Variants in VWA8 observed in about 807,000 individuals in gnomAD.
VWA8 encodes the protein von Willebrand factor A domain-containing protein 8.
VWA8 carries 221 observed loss-of-function variants against 241.5 expected under a neutral mutation model. That is an observed-to-expected ratio of 0.91 (90% CI 0.82 to 1.02). VWA8 has a LOEUF of 1.02. Ranked by LOEUF, VWA8 falls within the 50% of genes least tolerant of loss-of-function variation. VWA8 has a pLI of 0.00. For missense variants in VWA8, 2,322 were observed against 2,328.7 expected (o/e 1.00, Z 0.06); for synonymous variants, 852 against 827.1 (o/e 1.03, Z -0.52).
At chr13:41,770,410 C>A (rs1252391172) in intron 20 of VWA8, among the ~76,000 whole-genome samples, 1 of 145,580 alleles carries the variant, frequency 6.9e-6, no homozygotes, top group Admixed American at 7.0e-5. Context: ...CACTGCACTA[C>A]AGCCTGGGCG....
At chr13:41,668,092 T>G (rs1403515991) in intron 37 of VWA8, among the ~76,000 whole-genome samples, 1 of 152,248 alleles carries the variant, frequency 6.6e-6, no homozygotes, top group African/African-American at 2.4e-5. Context: ...AACAGAGTAG[T>G]GATAAAACAT....
intron 21 of VWA8, among the ~76,000 whole-genome samples, chr13:41,755,621 A>G (rs17062532): frequency 0.21 from 32,635 of 151,806 alleles, 3,487 homozygotes; most frequent in Middle Eastern, 0.25. Flanking sequence ...TTTATGGATC[A>G]TTTGTTATTT....
intron 23 of VWA8, among the ~76,000 whole-genome samples, chr13:41,728,259 A>C (rs1382870890): frequency 6.6e-6 from 1 of 152,098 alleles, no homozygotes; most frequent in Non-Finnish European, 1.5e-5. Context: ...GTAGTGGAAA[A>C]TAACAAGGGT....
intron 14 of VWA8, among the ~76,000 whole-genome samples, chr13:41,820,022 A>C (rs1403851434): frequency 6.6e-6 from 1 of 152,194 alleles, no homozygotes; most frequent in Non-Finnish European, 1.5e-5. Flanking sequence ...CTGGTAGGGA[A>C]ACTGAGGAAG....
intron 37 of VWA8, among the ~76,000 whole-genome samples, chr13:41,620,996 A>G (rs2044653521): frequency 6.6e-6 from 1 of 152,198 alleles, no homozygotes; most frequent in African/African-American, 2.4e-5. Flanking sequence ...TAAGGTGATC[A>G]AAGTAGGGTT....
intron 2 of VWA8, among the ~76,000 whole-genome samples, chr13:41,949,064 G>GAAAA (rs1877999914): frequency 7.6e-6 from 1 of 131,472 alleles, no homozygotes; most frequent in Admixed American, 7.5e-5. Flanking sequence ...AAAGAACAGT[G>GAAAA]ATTTCCAGGG....
rs139946179 is a variant in VWA8 at position 41,930,710 on chromosome 13, T to C, written c.242-18542A>G. Among the ~76,000 whole-genome samples the C allele has an allele frequency of 6.3e-3, 960 of 152,300 alleles. 6 individuals are homozygous for C. Among genetic ancestry groups the C allele is most frequent in the African/African-American group, 0.022 (912 of 41,574 alleles). On this transcript the variant is annotated intron_variant, in intron 2 of 44. Transcript: ENST00000379310. Reference sequence around the variant, plus strand: ...CTACCTTCAGGCTACGTGTATAAGATATACATTAAACACAACTGGACTTCA... The same window carrying C: ...CTACCTTCAGGCTACGTGTATAAGACATACATTAAACACAACTGGACTTCA...
intron 14 of VWA8, among the ~76,000 whole-genome samples, chr13:41,823,627 A>G (rs561599148): frequency 6.6e-6 from 1 of 152,208 alleles, no homozygotes; most frequent in Non-Finnish European, 1.5e-5. Flanking sequence ...AAATACAGGC[A>G]TAGTATCTGG....
Position 41,571,328 on chromosome 13 carries a change from G to GTCTCCCTCTCCC in VWA8, c.5371-634_5371-623dup, listed in dbSNP as rs879586722. 6.8e-3 allele frequency among the ~76,000 whole-genome samples: 666 copies of GTCTCCCTCTCCC among 98,454 alleles called. 18 individuals are homozygous for GTCTCCCTCTCCC. The highest frequency in any genetic ancestry group is 0.026 in the African/African-American group (629 of 23,862). 64.6% of individuals were successfully genotyped at this position (98,454 alleles called of 152,430 possible). ...TCTCCCTCCTCCCTCTCCCTCTCCC[G>GTCTCCCTCTCCC]TCTCCCTCTCCCTCTCCCGTCTCCC... is the stretch of plus-strand genomic sequence containing the variant. On this transcript the variant is annotated intron_variant, in intron 43 of 44. Coordinates refer to ENST00000379310, the MANE Select transcript of VWA8 (RefSeq NM_015058.2).
chr13:41,568,438 G>A (rs1396281160), intron 44 of VWA8, 133 bp from the exon 45 acceptor site: 1 of 607,188 alleles, frequency 1.6e-6, no homozygotes, highest in Non-Finnish European at 2.9e-6. Context: ...CTTGCTCTCT[G>A]CCTACCATTG....
At chr13:41,913,734 A>G (rs564128458) in intron 2 of VWA8, among the ~76,000 whole-genome samples, 12 of 152,366 alleles carry the variant, frequency 7.9e-5, no homozygotes, top group African/African-American at 2.4e-4. Flanking sequence ...CACTGGAGTC[A>G]CACTAAAGCA....
intron 30 of VWA8, among the ~76,000 whole-genome samples, 189 bp downstream of exon 30, chr13:41,692,673 A>G (rs888742110): frequency 4.6e-5 from 7 of 152,116 alleles, no homozygotes; most frequent in Non-Finnish European, 5.9e-5. Context: ...AAAAGAATTT[A>G]TTGATATTTA....
At chr13:41,655,793 T>G (rs1201110124) in intron 37 of VWA8, among the ~76,000 whole-genome samples, 1 of 152,248 alleles carries the variant, frequency 6.6e-6, no homozygotes. Context: ...CCATATTATA[T>G]AAATAAGTAT....
intron 12 of VWA8, among the ~76,000 whole-genome samples, chr13:41,841,844 TATATATATATATATAA>T (rs1384038202): frequency 0.018 from 1,594 of 89,106 alleles, 103 homozygotes; most frequent in African/African-American, 0.045. Flanking sequence ...TATATATATA[TATATATATATATATAA>T]AAACAGTAGA....
intron 4 of VWA8, among the ~76,000 whole-genome samples, chr13:41,898,156 G>T (rs955511933): frequency 6.6e-6 from 1 of 150,662 alleles, no homozygotes; most frequent in Admixed American, 6.6e-5. Flanking sequence ...GATACTGAGT[G>T]CCGATTGGTG....
chr13:41,960,802 C>T (rs1878576562), intron 1 of VWA8, 51 bp downstream of exon 1: 3 of 1,478,624 alleles, frequency 2.0e-6, no homozygotes, highest in African/African-American at 1.5e-5. Flanking sequence ...CGCGGGGACC[C>T]GGCACGGAGC....
intron 31 of VWA8, 46 bp from the exon 32 acceptor site, chr13:41,691,491 T>A (rs772979977): frequency 6.2e-7 from 1 of 1,601,198 alleles, no homozygotes; most frequent in East Asian, 2.3e-5. Flanking sequence ...GTGAGGATAA[T>A]GGTTGAGTAA....
chr13:41,865,476 C>T (rs1302565223), intron 12 of VWA8: 2 of 376,128 alleles, frequency 5.3e-6, no homozygotes, highest in African/African-American at 2.1e-5. Flanking sequence ...TCCTTTCCCC[C>T]TACCCTTCCA....
At chr13:41,849,085 A>G (rs74053261) in intron 12 of VWA8, among the ~76,000 whole-genome samples, 2,547 of 152,268 alleles carry the variant, frequency 0.017, 63 homozygotes, top group African/African-American at 0.058. Flanking sequence ...CTCTATCTCT[A>G]TGGTTCTGCC....
Sources: gnomAD v4.1 joint callset for allele counts (sites outside exome capture counted in the v4.1 genomes callset) on GRCh38, gnomAD v4.1.1 for gene constraint, MANE v1.5 for transcripts, NCBI Gene and HGNC (gene_info 2026-07-23, HGNC 2026-07-21) for gene names.